The following SVEP1 variants were observed in gnomAD, a reference collection of about 807,000 sequenced individuals.
SVEP1 encodes the protein sushi, von Willebrand factor type A, EGF and pentraxin domain-containing protein 1.
A neutral mutation model predicts 367.3 loss-of-function variants in SVEP1; 164 were observed. That is an observed-to-expected ratio of 0.45 (90% CI 0.39 to 0.51). The LOEUF is 0.51. SVEP1 is among the 20% of genes least tolerant of loss of function. The pLI is 0.00. For missense variants in SVEP1, 4,117 were observed against 4,425.3 expected, an observed-to-expected ratio of 0.93 and a Z score of 1.98; for synonymous variants, 1,666 against 1,611.6, an observed-to-expected ratio of 1.03 and a Z score of -0.81.
chr9:110,430,497 C>T (rs1387417480), intron 32 of SVEP1, 47 bp from the exon 33 acceptor site: 8 of 1,542,440 alleles, frequency 5.2e-6, no homozygotes, highest in Non-Finnish European at 7.0e-6. Context: ...TTTCACACAA[C>T]CATGCAAAGT....
intron 14 of SVEP1, among the ~76,000 whole-genome samples, chr9:110,475,198 C>T (rs1005497410): frequency 2.6e-5 from 4 of 152,252 alleles, no homozygotes; most frequent in Admixed American, 1.3e-4. Context: ...CAGTCAACAT[C>T]ACTCTTAATG....
At chr9:110,503,855 G>A (rs1052789548) in intron 5 of SVEP1, among the ~76,000 whole-genome samples, 3 of 152,028 alleles carry the variant, frequency 2.0e-5, no homozygotes. Flanking sequence ...TTTTGCTGCT[G>A]TGGTAGAGGC....
intron 43 of SVEP1, among the ~76,000 whole-genome samples, chr9:110,379,886 T>A (rs891782611): frequency 2.0e-5 from 3 of 152,216 alleles, no homozygotes; most frequent in Non-Finnish European, 2.9e-5. Flanking sequence ...TGTAGTCTAC[T>A]GTTTCAGAGT....
intron 46 of SVEP1, among the ~76,000 whole-genome samples, chr9:110,374,028 T>G (rs554163562): frequency 3.1e-4 from 47 of 152,326 alleles, no homozygotes; most frequent in African/African-American, 9.4e-4. Context: ...GGTTCAAGGG[T>G]ACATGTGCAG....
intron 3 of SVEP1, among the ~76,000 whole-genome samples, chr9:110,524,940 G>A (rs931505161): frequency 6.6e-6 from 1 of 151,904 alleles, no homozygotes; most frequent in African/African-American, 2.4e-5. Context: ...TCAAACTCCT[G>A]GACTCTGGCA....
chr9:110,409,754 G>A (rs1179141402), intron 37 of SVEP1, among the ~76,000 whole-genome samples: 2 of 152,012 alleles, frequency 1.3e-5, no homozygotes, highest in Non-Finnish European at 2.9e-5. Context: ...AAAAATTACT[G>A]CTGTAACAAT....
At chr9:110,449,500 T>C (rs7022050) in intron 24 of SVEP1, among the ~76,000 whole-genome samples, 123,530 of 151,980 alleles carry the variant, frequency 0.81, 50,447 homozygotes, top group East Asian at 0.99. Context: ...CTGGCCAACA[T>C]GGTGAAACCC....
intron 39 of SVEP1, among the ~76,000 whole-genome samples, chr9:110,403,941 G>C (rs1827911946): frequency 1.3e-5 from 2 of 150,860 alleles, no homozygotes; most frequent in East Asian, 2.0e-4. Flanking sequence ...AAATAGCAGA[G>C]AAGAGGATTT....
intron 3 of SVEP1, among the ~76,000 whole-genome samples, chr9:110,537,504 C>T (rs1224519189): frequency 1.3e-5 from 2 of 151,782 alleles, no homozygotes; most frequent in African/African-American, 4.8e-5. Context: ...AATTTTTATC[C>T]ACAATTTTTG....
chr9:110,442,032 T>C (rs1042875034), intron 27 of SVEP1, among the ~76,000 whole-genome samples: 1 of 152,222 alleles, frequency 6.6e-6, no homozygotes, highest in African/African-American at 2.4e-5. Context: ...TCAATCTTTT[T>C]CTAGCGCTTT....
At position 110,366,241 on chromosome 9, in the gene SVEP1, C is replaced by T; in HGVS notation, c.*298G>A. 3.2e-6 allele frequency: 1 copy of T among 311,126 alleles called. No individual in the cohort carries two copies. The highest frequency in any genetic ancestry group is 5.8e-6 in the Non-Finnish European group (1 of 172,908). 19.3% of individuals were successfully genotyped at this position (311,126 alleles called of 1,614,324 possible). A position where few individuals can be genotyped will look rare whatever the true frequency, so the allele number is the denominator to read the frequency against. ...TAAGTAACTGAATAAAAATGTGTAC[C>T]AGGAACTTTCCCAATAGACAGCAGA... On this transcript the variant is annotated 3_prime_UTR_variant, in exon 48 of 48. Transcript: ENST00000374469.
intron 47 of SVEP1, 113 bp from the exon 48 acceptor site, chr9:110,366,673 G>GACTTT: frequency 9.5e-7 from 1 of 1,052,532 alleles, no homozygotes; most frequent in Non-Finnish European, 1.3e-6. Context: ...AGATACCTGG[G>GACTTT]CATTATCTGT....
At chr9:110,529,670 TTGG>T (rs1177110657) in intron 3 of SVEP1, among the ~76,000 whole-genome samples, 1 of 152,098 alleles carries the variant, frequency 6.6e-6, no homozygotes, top group Non-Finnish European at 1.5e-5. Context: ...AGCTTGATTG[TTGG>T]TGGTGGTGTA....
chr9:110,500,706 T>G (rs369049413), intron 6 of SVEP1, among the ~76,000 whole-genome samples: 7 of 152,186 alleles, frequency 4.6e-5, no homozygotes, highest in African/African-American at 1.7e-4. Flanking sequence ...TCCCCTATGA[T>G]CAGTTAAATA....
intron 43 of SVEP1, among the ~76,000 whole-genome samples, chr9:110,384,525 C>A (rs1827490720): frequency 6.6e-6 from 1 of 151,036 alleles, no homozygotes; most frequent in Admixed American, 6.6e-5. Flanking sequence ...AAGCTGCTAG[C>A]TGAAAATTCA....
rs552313123 is a variant in SVEP1, at chr9:110,400,903, G to T, written c.9773C>A (p.Thr3258Asn). 2.5e-6 allele frequency: 4 copies of T among 1,613,824 alleles called. No homozygotes were observed. The highest frequency in any genetic ancestry group is 1.3e-5 in the African/African-American group (1 of 75,024). ...CTGATAAATAATTGTGCTTTCAAAGGTGTATTTACTGCCAACCACAAATCC... is the reference window on the plus strand; with the variant it reads ...CTGATAAATAATTGTGCTTTCAAAGTTGTATTTACTGCCAACCACAAATCC... ...EHGFVVGSKY[T>N]FESTIIYQCE... Residue 3258 changes from threonine (T) to asparagine (N), a missense_variant, in exon 40 of 48, where the codon ACC (threonine) becomes AAC (asparagine). Coordinates refer to ENST00000374469, the MANE Select transcript of SVEP1 (RefSeq NM_153366.4).
chr9:110,552,441 G>A (rs1369363916), intron 1 of SVEP1, among the ~76,000 whole-genome samples: 1 of 152,068 alleles, frequency 6.6e-6, no homozygotes, highest in African/African-American at 2.4e-5. Context: ...GTTTCAGGAT[G>A]ATTCAAGCAC....
At position 110,481,364 on chromosome 9, in the gene SVEP1, T is replaced by G; in HGVS notation, c.2243A>C (p.Asn748Thr). The G allele has an allele frequency of 1.2e-6, 2 of 1,611,104 alleles. 1 individual carries two copies. Among genetic ancestry groups the G allele is most frequent in the South Asian group, 2.2e-5 (2 of 90,434 alleles). The change falls in exon 12 of 48, where the codon AAC (asparagine) becomes ACC (threonine). Residue 748 changes from asparagine to threonine, a missense_variant. Asn to Thr is a moderately conservative substitution (Grantham distance 65). This residue lies in a region of SVEP1 where 2,174 missense variants were observed against 2,494.3 expected (regional missense o/e 0.87). Transcript: ENST00000374469. ...FICTPDNTGV[N>T]CTLTCLEGYD... ...GCCCTCCAAGCAAGTTAATGTACAG[T>G]TGACTCCAGTATTATCTGGAGTGCA...
intron 1 of SVEP1, among the ~76,000 whole-genome samples, chr9:110,575,780 AAATCAATAAGAGAGCC>A (rs1163822430): frequency 6.9e-6 from 1 of 145,816 alleles, no homozygotes; most frequent in Non-Finnish European, 1.5e-5. Context: ...GAGCATTTGC[AAATCAATAAGAGAGCC>A]ACCCCCAGTT....
Sources: gnomAD v4.1 joint callset for allele counts (sites outside exome capture counted in the v4.1 genomes callset) on GRCh38, gnomAD v4.1.1 for gene constraint, gnomAD v4.1.1 regional missense constraint, MANE v1.5 for transcripts, NCBI Gene and HGNC (gene_info 2026-07-23, HGNC 2026-07-21) for gene names.